The following CYTH3 variants were observed in gnomAD, a reference collection of about 807,000 sequenced individuals.
CYTH3 encodes cytohesin 3.
CYTH3 carries 23 observed loss-of-function variants against 55.1 expected under a neutral mutation model. That is an observed-to-expected ratio of 0.42 (90% CI 0.30 to 0.59). The LOEUF (loss-of-function observed/expected upper bound fraction) is 0.59. Ranked by LOEUF, CYTH3 falls within the 20% of genes least tolerant of loss-of-function variation. The pLI is 0.20. For missense variants in CYTH3, 413 were observed against 524.8 expected, an observed-to-expected ratio of 0.79 and a Z score of 2.08; for synonymous variants, 249 against 194.9, an observed-to-expected ratio of 1.28 and a Z score of -2.31.
intron 1 of CYTH3, among the ~76,000 whole-genome samples, chr7:6,218,374 C>T (rs1018768240): frequency 3.9e-5 from 6 of 152,134 alleles, no homozygotes; most frequent in African/African-American, 1.4e-4. Flanking sequence ...GGAAATGCAG[C>T]TCTAGATGCT....
At chr7:6,172,659 CAG>C (rs1783232179) in intron 6 of CYTH3, 8 of 1,016,638 alleles carry the variant, frequency 7.9e-6, no homozygotes, top group Non-Finnish European at 9.6e-6. Flanking sequence ...CGGCTCTCGC[CAG>C]AGACTGATGG....
intron 4 of CYTH3, among the ~76,000 whole-genome samples, chr7:6,182,430 C>T (rs768409609): frequency 6.6e-6 from 1 of 152,218 alleles, no homozygotes; most frequent in Admixed American, 6.5e-5. Context: ...CTCACCGCAG[C>T]CTCAAACTCC....
intron 1 of CYTH3, among the ~76,000 whole-genome samples, chr7:6,199,241 G>A (rs534074896): frequency 6.6e-6 from 1 of 152,284 alleles, no homozygotes; most frequent in East Asian, 1.9e-4. Flanking sequence ...AGTTGTTGAG[G>A]TCTATATTTT....
intron 4 of CYTH3, 47 bp from the exon 5 acceptor site, chr7:6,177,988 C>G (rs1396743234): frequency 6.9e-7 from 1 of 1,447,446 alleles, no homozygotes; most frequent in Non-Finnish European, 9.7e-7. Context: ...GTCACTCAAA[C>G]TCATTTTTCA....
Position 6,170,218 on chromosome 7 carries a change from C to T in CYTH3, c.823+317G>A, listed in dbSNP as rs1783133871. On this transcript the variant is annotated intron_variant, in intron 9 of 12. Transcript: ENST00000350796. The surrounding 1 kb of genome is among the most constrained non-coding windows in gnomAD (Gnocchi z 7.8). The stretch of plus-strand genomic sequence containing the variant: ...CACCAAACCGAGAGAGGCACACAGG[C>T]TCTGTGGAGATAATGCGCTTGCTTC... The T allele has an allele frequency of 2.7e-6, 1 of 363,852 alleles. No individual in the cohort carries two copies. The highest frequency in any genetic ancestry group is 5.0e-6 in the Non-Finnish European group (1 of 199,920). 22.5% of individuals were successfully genotyped at this position (363,852 alleles called of 1,614,324 possible).
chr7:6,241,500 C>G (rs1017840406), intron 1 of CYTH3, among the ~76,000 whole-genome samples: 4 of 152,206 alleles, frequency 2.6e-5, no homozygotes, highest in Non-Finnish European at 5.9e-5. Flanking sequence ...GGAGGGAAGT[C>G]TGATAACATC....
At chr7:6,255,600 T>C (rs1045675837) in intron 1 of CYTH3, among the ~76,000 whole-genome samples, 3 of 151,560 alleles carry the variant, frequency 2.0e-5, no homozygotes, top group Admixed American at 6.6e-5. Flanking sequence ...GTCCTGGGGG[T>C]CCAGCACCTC....
intron 1 of CYTH3, among the ~76,000 whole-genome samples, chr7:6,259,766 TATATA>T (rs1562417434): frequency 4.0e-5 from 1 of 24,750 alleles, no homozygotes; most frequent in Non-Finnish European, 5.6e-5. Context: ...ATTATATATA[TATATA>T]TTATATATAT....
At position 6,182,132 on chromosome 7, in the gene CYTH3, C is replaced by T. The variant is rs141340568; in HGVS notation, c.250-4191G>A. 8.5e-3 allele frequency among the ~76,000 whole-genome samples: 1,292 copies of T among 152,232 alleles called. 17 individuals are homozygous for T. The highest frequency in any genetic ancestry group is 0.03 in the African/African-American group (1,226 of 41,530). On this transcript the variant is annotated intron_variant, in intron 4 of 12. Coordinates refer to ENST00000350796, the MANE Select transcript of CYTH3 (RefSeq NM_004227.4). ...GTGCAATCTAGGCTCACTGCAACCT[C>T]CACCTCCTGGGTTCAAGTGATTCTC...
At chr7:6,168,860 G>A (rs1253717237) in intron 9 of CYTH3, among the ~76,000 whole-genome samples, 1 of 152,192 alleles carries the variant, frequency 6.6e-6, no homozygotes, top group East Asian at 1.9e-4. Context: ...GTCCCTCGAG[G>A]GGACACTGGT....
intron 4 of CYTH3, among the ~76,000 whole-genome samples, chr7:6,179,778 C>T (rs1406363002): frequency 1.5e-5 from 2 of 132,722 alleles, no homozygotes; most frequent in African/African-American, 5.9e-5. Context: ...ACCCCACACA[C>T]ACCACCTACC....
intron 1 of CYTH3, among the ~76,000 whole-genome samples, chr7:6,195,689 T>A (rs911921589): frequency 1.3e-5 from 2 of 152,164 alleles, no homozygotes; most frequent in Admixed American, 6.5e-5. Flanking sequence ...AGGAAGGAAC[T>A]ACAATTTACT....
intron 5 of CYTH3, among the ~76,000 whole-genome samples, chr7:6,174,968 G>A (rs1783306475): frequency 1.3e-5 from 2 of 152,080 alleles, no homozygotes; most frequent in Non-Finnish European, 2.9e-5. Context: ...AGTAATTTTT[G>A]TTATTTTTAC....
chr7:6,218,579 G>A (rs1348313895), intron 1 of CYTH3, among the ~76,000 whole-genome samples: 1 of 152,188 alleles, frequency 6.6e-6, no homozygotes, highest in African/African-American at 2.4e-5. Flanking sequence ...GAACTAGGGT[G>A]CAGCTATAAC....
chr7:6,260,634 T>C (rs909764082), intron 1 of CYTH3, among the ~76,000 whole-genome samples: 5 of 152,114 alleles, frequency 3.3e-5, no homozygotes, highest in African/African-American at 4.8e-5. Flanking sequence ...CCATCCCCAT[T>C]TTAGGCCGTC....
chr7:6,202,457 GTTTT>G (rs34849107), intron 1 of CYTH3, among the ~76,000 whole-genome samples: 2 of 126,518 alleles, frequency 1.6e-5, no homozygotes, highest in East Asian at 2.3e-4. Context: ...GCCATTGCTA[GTTTT>G]TTTTTTTTTT....
At chr7:6,189,101 T>A (rs1184071416) in intron 2 of CYTH3, among the ~76,000 whole-genome samples, 4 of 152,166 alleles carry the variant, frequency 2.6e-5, no homozygotes, top group African/African-American at 9.7e-5. Flanking sequence ...GACCTCCATG[T>A]CTGATTGACT....
chr7:6,165,237 A>G lies in CYTH3; in HGVS notation c.1127+36T>C, dbSNP rs771222802. ...CCCCCGCCCTCCAACCGGCACGAGA[A>G]GACGGGCCTGGCCCCGCCCCCGAGG... On this transcript the variant is annotated intron_variant, in intron 12 of 12. Coordinates refer to ENST00000350796, the MANE Select transcript of CYTH3 (RefSeq NM_004227.4). 9 of 1,589,528 alleles carry G rather than the reference A, an allele frequency of 5.7e-6. No individual in the cohort carries two copies. In the Admixed American group the frequency reaches 1.4e-4, roughly 25 times the overall value.
chr7:6,186,737 G>C (rs1183984230), intron 4 of CYTH3, among the ~76,000 whole-genome samples: 1 of 152,090 alleles, frequency 6.6e-6, no homozygotes, highest in Non-Finnish European at 1.5e-5. Flanking sequence ...TATGAGCCTC[G>C]ACAGCAAGGG....
Sources: allele counts gnomAD v4.1 joint callset (sites outside exome capture counted in the v4.1 genomes callset), GRCh38; gene constraint gnomAD v4.1.1; non-coding constraint Gnocchi (gnomAD v3.1); transcripts MANE v1.5; gene names NCBI Gene and HGNC (gene_info 2026-07-23, HGNC 2026-07-21).